Variants in PMFBP1 observed in about 807,000 individuals in gnomAD.
The protein encoded by PMFBP1 is polyamine-modulated factor 1-binding protein 1.
Under a neutral mutation model 137.8 loss-of-function variants are expected in PMFBP1, and 131 were observed. That is an observed-to-expected ratio of 0.95 (90% CI 0.82 to 1.10). The LOEUF (loss-of-function observed/expected upper bound fraction) is 1.10. Ranked by LOEUF, PMFBP1 falls within the 50% of genes least tolerant of loss-of-function variation. PMFBP1 has a pLI of 0.00. For missense variants in PMFBP1, 1,199 were observed against 1,175.4 expected, an observed-to-expected ratio of 1.02 and a Z score of -0.29; for synonymous variants, 490 against 450.4, an observed-to-expected ratio of 1.09 and a Z score of -1.11.
upstream of PMFBP1, among the ~76,000 whole-genome samples, chr16:72,177,893 G>C (rs2043264027): frequency 6.6e-6 from 1 of 151,968 alleles, no homozygotes; most frequent in Non-Finnish European, 1.5e-5. Flanking sequence ...GAATTTGCCT[G>C]ATTTTTTTTT....
the PMFBP1 span, among the ~76,000 whole-genome samples, chr16:72,244,577 T>G: frequency 1.0e-3 from 156 of 152,252 alleles, 3 homozygotes; most frequent in East Asian, 0.025. Context: ...TCCAGCCACA[T>G]AAAACAAGAG....
chr16:72,218,461 G>A, the PMFBP1 span, among the ~76,000 whole-genome samples: 1 of 151,958 alleles, frequency 6.6e-6, no homozygotes, highest in East Asian at 1.9e-4. Context: ...CTGAGTAGCT[G>A]GGCTTACAGC....
the PMFBP1 span, among the ~76,000 whole-genome samples, chr16:72,242,207 G>A: frequency 6.6e-6 from 1 of 152,200 alleles, no homozygotes; most frequent in African/African-American, 2.4e-5. Flanking sequence ...GAAGGGATGG[G>A]ATCAGACAGC....
At chr16:72,228,666 C>A in the PMFBP1 span, among the ~76,000 whole-genome samples, 2 of 152,156 alleles carry the variant, frequency 1.3e-5, no homozygotes, top group Non-Finnish European at 2.9e-5. Context: ...AATCTACAAA[C>A]TTATGAATAA....
chr16:72,137,723 G>C (rs1214800909), intron 7 of PMFBP1, among the ~76,000 whole-genome samples: 2 of 152,222 alleles, frequency 1.3e-5, no homozygotes, highest in African/African-American at 4.8e-5. Context: ...CCCTGAAGGA[G>C]AGGGGATGCC....
downstream of PMFBP1, among the ~76,000 whole-genome samples, chr16:72,118,028 A>G (rs529711461): frequency 1.3e-5 from 2 of 152,372 alleles, no homozygotes; most frequent in East Asian, 3.9e-4. Context: ...CTCCACAGGA[A>G]GTGAAAGATA....
rs767408955 is a variant in PMFBP1, at chr16:72,120,105, G to A, written c.2769-16C>T. 16 of 1,614,060 alleles carry A rather than the reference G, an allele frequency of 9.9e-6. No individual in the cohort carries two copies. The highest frequency in any genetic ancestry group is 1.6e-4 in the Middle Eastern group (1 of 6,076). ...GTGGAGGTGGCTGTGGGAAGGAGAG[G>A]AAGGACGGGTTGTGTTGGGGCTGCT... On this transcript the variant is annotated splice_polypyrimidine_tract_variant and intron_variant, in intron 19 of 20. Transcript: ENST00000237353.
chr16:72,201,306 A>G, the PMFBP1 span, among the ~76,000 whole-genome samples: 1 of 152,258 alleles, frequency 6.6e-6, no homozygotes, highest in Admixed American at 6.5e-5. Flanking sequence ...TATCCTCAGA[A>G]TAATGCATTT....
the PMFBP1 span, among the ~76,000 whole-genome samples, chr16:72,212,357 A>G: frequency 6.6e-6 from 1 of 152,162 alleles, no homozygotes; most frequent in African/African-American, 2.4e-5. Flanking sequence ...GATAAGATAT[A>G]TAGAGGATAA....
chr16:72,184,002 C>T, the PMFBP1 span, among the ~76,000 whole-genome samples: 1 of 152,162 alleles, frequency 6.6e-6, no homozygotes, highest in African/African-American at 2.4e-5. Flanking sequence ...ACATCAGTGG[C>T]TACCTCTAGA....
At position 72,140,398 on chromosome 16, in the gene PMFBP1, A is replaced by T. The variant is rs1037451760; in HGVS notation, c.807+14T>A. On this transcript the variant is annotated intron_variant, in intron 6 of 20. Transcript: ENST00000237353. The stretch of plus-strand genomic sequence containing the variant: ...AGGGTCTCCCAGAGACATGTTCTAG[A>T]AGAAGGCACTTACCAAAGCGTTACT... 4 of 1,605,770 alleles carry T rather than the reference A, an allele frequency of 2.5e-6. No homozygotes were observed. The African/African-American group carries it at 5.4e-5, about 21-fold the overall frequency.
In PMFBP1 at chr16:72,130,308, G is replaced by C. The variant is rs2144279147; in HGVS notation, c.1687C>G (p.Leu563Val). Reference protein sequence around the residue: ...SLELSEALRKLENSDKEKRQL... With the variant: ...SLELSEALRKVENSDKEKRQL... The stretch of plus-strand genomic sequence containing the variant: ...CTCTTTTCCTTGTCTGAATTTTCAA[G>C]CTTCCTCAGGGCTTCAGAGAGTTCT... The change falls in exon 12 of 21, where the codon CTT becomes GTT. Residue 563 changes from leucine to valine, a missense_variant. Transcript: ENST00000237353. 6.2e-7 allele frequency: 1 copy of C among 1,614,208 alleles called. No homozygotes were observed. Among genetic ancestry groups the C allele is most frequent in the Non-Finnish European group, 8.5e-7 (1 of 1,180,038 alleles).
chr16:72,119,272 G>C lies in PMFBP1; in HGVS notation c.*66C>G. ...CTGATCCAGGTCAAGAGAGAGGGAG[G>C]GCTGGGAACTCACTGTCCTCTGAAG... On this transcript the variant is annotated 3_prime_UTR_variant, in exon 21 of 21. Coordinates refer to ENST00000237353, the MANE Select transcript of PMFBP1 (RefSeq NM_031293.3). 6.5e-7 allele frequency: 1 copy of C among 1,534,268 alleles called. No individual in the cohort carries two copies. The highest frequency in any genetic ancestry group is 9.0e-7 in the Non-Finnish European group (1 of 1,107,812).
At chr16:72,208,738 G>A in the PMFBP1 span, among the ~76,000 whole-genome samples, 35 of 152,330 alleles carry the variant, frequency 2.3e-4, no homozygotes, top group African/African-American at 8.4e-4. Context: ...TCCTGTCAGC[G>A]TCTTGACCGC....
chr16:72,146,177 T>C (rs1367157663), intron 5 of PMFBP1, among the ~76,000 whole-genome samples: 1 of 152,186 alleles, frequency 6.6e-6, no homozygotes, highest in Non-Finnish European at 1.5e-5. Context: ...TTATCTACCA[T>C]GATCAAGTCG....
At chr16:72,239,935 T>A in the PMFBP1 span, among the ~76,000 whole-genome samples, 1 of 149,496 alleles carries the variant, frequency 6.7e-6, no homozygotes, top group Non-Finnish European at 1.5e-5. Flanking sequence ...CCTGTTGTCA[T>A]TAGGTGTTTG....
At chr16:72,199,649 G>A in the PMFBP1 span, among the ~76,000 whole-genome samples, 3 of 90,560 alleles carry the variant, frequency 3.3e-5, no homozygotes, top group East Asian at 3.2e-4. Context: ...GCAAGACTCC[G>A]TCTCAAAAAA....
chr16:72,126,237 A>T, intron 14 of PMFBP1, 105 bp from the exon 15 acceptor site: 1 of 1,259,120 alleles, frequency 7.9e-7, no homozygotes, highest in Non-Finnish European at 1.1e-6. Flanking sequence ...TCCTGTCTGC[A>T]GCAACCTGCA....
intron 19 of PMFBP1, among the ~76,000 whole-genome samples, chr16:72,120,722 T>C (rs1439198901): frequency 6.6e-6 from 1 of 152,238 alleles, no homozygotes; most frequent in Non-Finnish European, 1.5e-5. Context: ...CACTGTTGTG[T>C]GTCTCCAAAC....
Sources: gnomAD v4.1 joint callset for allele counts (sites outside exome capture counted in the v4.1 genomes callset) on GRCh38, gnomAD v4.1.1 for gene constraint, MANE v1.5 for transcripts, NCBI Gene and HGNC (gene_info 2026-07-23, HGNC 2026-07-21) for gene names.